RANBP2: variants seen among roughly 807,000 people sequenced by gnomAD.
RANBP2 encodes the protein E3 SUMO-protein ligase RanBP2.
Under a neutral mutation model 303.6 loss-of-function variants are expected in RANBP2, and 57 were observed. The observed-to-expected ratio is 0.19, with a 90% CI of 0.15 to 0.23. The LOEUF (loss-of-function observed/expected upper bound fraction) is 0.23. Among genes scored for constraint, RANBP2 ranks in the 10% least tolerant of loss-of-function variants. RANBP2 has a pLI of 1.00. For synonymous variants in RANBP2, 1,167 were observed against 1,301.5 expected (o/e 0.90, Z 2.23); for missense variants, 3,138 against 3,780.8 (o/e 0.83, Z 4.46).
At chr2:109,348,058 AT>A in the RANBP2 span, 1 of 1,408,934 alleles carries the variant, frequency 7.1e-7, no homozygotes, top group Non-Finnish European at 9.5e-7. Context: ...CAGAGTCTGA[AT>A]CCTGGCTCCT....
rs189929303 is a variant in RANBP2, at chr2:108,728,895, C to T, written c.73-237C>T. Among the ~76,000 whole-genome samples, 697 of 152,246 alleles carry T rather than the reference C, an allele frequency of 4.6e-3. 4 individuals carry two copies. Among genetic ancestry groups the T allele is most frequent in the African/African-American group, 0.016 (658 of 41,540 alleles). On this transcript the variant is annotated intron_variant, in intron 1 of 28. Transcript: ENST00000283195. ...CTGACCTCAGGTGATCCGCCCACTT[C>T]GGCCTCCCAAAGTGCTGGGATTACA...
chr2:108,774,583 G>A (rs114801512), intron 23 of RANBP2, among the ~76,000 whole-genome samples: 2 of 152,104 alleles, frequency 1.3e-5, no homozygotes, highest in African/African-American at 4.8e-5. Flanking sequence ...CCCTTTAAAT[G>A]TTGAGCAGTT....
chr2:108,910,735 G>A, the RANBP2 span: 3 of 1,606,318 alleles, frequency 1.9e-6, no homozygotes, highest in Non-Finnish European at 1.7e-6. Flanking sequence ...CCCAGAGATG[G>A]GCACCGTGCA....
rs781044168 is a variant in RANBP2 at position 108,783,730 on chromosome 2, T to C, written c.9504T>C (p.Asn3168=). 10 of 1,612,930 alleles carry C rather than the reference T, an allele frequency of 6.2e-6. No individual in the cohort carries two copies. Among genetic ancestry groups the C allele is most frequent in the Non-Finnish European group, 8.5e-6 (10 of 1,179,028 alleles). Residue 3168 remains asparagine, a synonymous_variant, in exon 29 of 29, where the codon AAT becomes AAC. Coordinates refer to ENST00000283195, the MANE Select transcript of RANBP2 (RefSeq NM_006267.5). ...TGGCCAATCAAGGCCAGAATACCAA[T>C]AATTCTCAATTTGTTATAACACTGA... ...LSMANQGQNT[N]NSQFVITLKK...
downstream of RANBP2, chr2:108,788,933 T>A (rs1461889191): frequency 6.2e-7 from 1 of 1,614,126 alleles, no homozygotes; most frequent in Non-Finnish European, 8.5e-7. Context: ...AGAACACCAT[T>A]GGGCAGCTTA....
At chr2:108,904,670 A>G in the RANBP2 span, among the ~76,000 whole-genome samples, 14 of 152,222 alleles carry the variant, frequency 9.2e-5, no homozygotes, top group African/African-American at 3.4e-4. Flanking sequence ...AACAACCTGG[A>G]TGGACCTCCA....
In RANBP2 at chr2:108,768,059, C is replaced by T. The variant is rs1677238740; in HGVS notation, c.7520C>T (p.Ala2507Val). Residue 2507 changes from alanine (A) to valine (V), a missense_variant, in exon 20 of 29, where the codon GCA becomes GTA. Around this residue, in one of 20 missense-constraint regions of RANBP2, gnomAD observed 497 missense variants for 465.8 expected, o/e 1.07. Transcript: ENST00000283195. ...AGCACATCTGAAACAACACCAAAAG[C>T]AGTGGTTTCTCCTCCAAAGTTTGTA... Reference protein sequence around the residue: ...VSSTSETTPKAVVSPPKFVFG... With the variant: ...VSSTSETTPKVVVSPPKFVFG... 1.2e-6 allele frequency: 2 copies of T among 1,611,696 alleles called. No individual in the cohort carries two copies. Among genetic ancestry groups the T allele is most frequent in the Non-Finnish European group, 8.5e-7 (1 of 1,179,754 alleles).
the RANBP2 span, among the ~76,000 whole-genome samples, chr2:109,087,480 G>T: frequency 6.6e-6 from 1 of 152,042 alleles, no homozygotes; most frequent in Non-Finnish European, 1.5e-5. Flanking sequence ...CTGAGCGCAG[G>T]GCTCTCTCCA....
the RANBP2 span, among the ~76,000 whole-genome samples, chr2:109,369,059 A>T: frequency 6.6e-6 from 1 of 152,044 alleles, no homozygotes; most frequent in Non-Finnish European, 1.5e-5. Flanking sequence ...GCCCTCCCAC[A>T]CTTGGCCGGG....
the RANBP2 span, among the ~76,000 whole-genome samples, chr2:109,011,360 G>A: frequency 2.6e-5 from 4 of 152,122 alleles, no homozygotes; most frequent in African/African-American, 7.2e-5. Flanking sequence ...CTAGGTTAGC[G>A]ATCATGTTCT....
At chr2:108,791,116 T>C in the RANBP2 span, among the ~76,000 whole-genome samples, 4 of 151,242 alleles carry the variant, frequency 2.6e-5, no homozygotes. Context: ...CTTTTAGATA[T>C]ATTATATTAA....
chr2:109,201,998 G>A, the RANBP2 span, among the ~76,000 whole-genome samples: 2 of 152,176 alleles, frequency 1.3e-5, no homozygotes, highest in South Asian at 2.1e-4. Flanking sequence ...CAAAGGAAAC[G>A]GGACACAGGC....
the RANBP2 span, among the ~76,000 whole-genome samples, chr2:109,333,181 C>T: frequency 2.6e-5 from 4 of 152,172 alleles, no homozygotes; most frequent in East Asian, 1.9e-4. Flanking sequence ...GCCTGCACCT[C>T]GGAAAGGCAT....
At chr2:108,868,526 T>G in the RANBP2 span, among the ~76,000 whole-genome samples, 1 of 152,204 alleles carries the variant, frequency 6.6e-6, no homozygotes, top group African/African-American at 2.4e-5. Flanking sequence ...ACCTCACCTG[T>G]CTCTCTTCTG....
chr2:108,939,746 C>T, the RANBP2 span, among the ~76,000 whole-genome samples: 1 of 152,212 alleles, frequency 6.6e-6, no homozygotes, highest in African/African-American at 2.4e-5. Flanking sequence ...TGCCAATGGG[C>T]TACTGTGCTG....
At chr2:109,422,163 A>T in the RANBP2 span, among the ~76,000 whole-genome samples, 1 of 152,224 alleles carries the variant, frequency 6.6e-6, no homozygotes, top group African/African-American at 2.4e-5. Context: ...GAAATTGAAC[A>T]TGAGATGTGC....
At chr2:108,818,260 T>C in the RANBP2 span, among the ~76,000 whole-genome samples, 1 of 152,156 alleles carries the variant, frequency 6.6e-6, no homozygotes, top group Non-Finnish European at 1.5e-5. Context: ...TGAGCCGTGA[T>C]TGTACCACTG....
At chr2:108,854,003 TATATATAATATATAATAAATTTATA>T in the RANBP2 span, among the ~76,000 whole-genome samples, 1 of 5,912 alleles carries the variant, frequency 1.7e-4, no homozygotes, top group African/African-American at 2.9e-4. Flanking sequence ...AAATTTATAT[TATATATAATATATAATAAATTTATA>T]TTATATATAA....
the RANBP2 span, among the ~76,000 whole-genome samples, chr2:109,193,669 T>G: frequency 6.6e-6 from 1 of 152,194 alleles, no homozygotes; most frequent in Non-Finnish European, 1.5e-5. Flanking sequence ...TTTGAGTTGT[T>G]TCTACCTCTA....
Sources: gnomAD v4.1 joint callset for allele counts (sites outside exome capture counted in the v4.1 genomes callset) on GRCh38, gnomAD v4.1.1 for gene constraint, gnomAD v4.1.1 regional missense constraint, MANE v1.5 for transcripts, NCBI Gene and HGNC (gene_info 2026-07-23, HGNC 2026-07-21) for gene names.